The following TRDMT1 variants were observed in gnomAD, a reference collection of about 807,000 sequenced individuals.
TRDMT1 encodes tRNA aspartic acid methyltransferase 1.
TRDMT1 carries 49 observed loss-of-function variants against 51.2 expected under a neutral mutation model. The ratio of observed to expected loss-of-function variants is 0.96; its 90% CI spans 0.76 to 1.21. TRDMT1 has a LOEUF of 1.21. TRDMT1 is among the 50% of genes most tolerant of loss of function. The probability of loss-of-function intolerance (pLI) is 0.00; values close to 1 mark genes in which losing one functional copy is unlikely to be tolerated. For synonymous variants in TRDMT1, 187 were observed against 164.6 expected (o/e 1.14, Z -1.04); for missense variants, 534 against 462.3 (o/e 1.16, Z -1.42).
chr10:17,180,489 G>A (rs1390344184), intron 1 of TRDMT1, among the ~76,000 whole-genome samples: 2 of 146,342 alleles, frequency 1.4e-5, no homozygotes, highest in South Asian at 2.3e-4. Context: ...GCAGTGAGCC[G>A]AGATTGCGCC....
rs1244941956 is a variant in TRDMT1, at chr10:17,146,327, T to C, written c.*2713A>G. Reference sequence around the variant, plus strand: ...TCCAGACATAGGGCAGTGCCCATGGTGAAGGTCTGATTTCACAGACAGAAC... The same window carrying C: ...TCCAGACATAGGGCAGTGCCCATGGCGAAGGTCTGATTTCACAGACAGAAC... On this transcript the variant is annotated 3_prime_UTR_variant, in exon 11 of 11. Transcript: ENST00000377799. 1.0e-6 allele frequency: 1 copy of C among 985,386 alleles called. No homozygotes were observed. The highest frequency in any genetic ancestry group is 1.2e-6 in the Non-Finnish European group (1 of 829,922). 61.0% of individuals were successfully genotyped at this position (985,386 alleles called of 1,614,324 possible).
chr10:17,146,345 G>A lies in TRDMT1; in HGVS notation c.*2695C>T. The A allele has an allele frequency of 1.0e-6, 1 of 985,404 alleles. No individual in the cohort carries two copies. The highest frequency in any genetic ancestry group is 1.2e-6 in the Non-Finnish European group (1 of 829,926). The allele number at this position is 985,404 out of a possible 1,614,324, so 61.0% of individuals were successfully genotyped here. A position where few individuals can be genotyped will look rare whatever the true frequency, so the allele number is the denominator to read the frequency against. Reference sequence around the variant, plus strand: ...CCCATGGTGAAGGTCTGATTTCACAGACAGAACACCATGGCCAGGGTCCTC... The same window carrying A: ...CCCATGGTGAAGGTCTGATTTCACAAACAGAACACCATGGCCAGGGTCCTC... On this transcript the variant is annotated 3_prime_UTR_variant, in exon 11 of 11. Coordinates refer to ENST00000377799, the MANE Select transcript of TRDMT1 (RefSeq NM_004412.7).
intron 1 of TRDMT1, among the ~76,000 whole-genome samples, chr10:17,180,179 C>T (rs1588629365): frequency 1.3e-5 from 2 of 152,126 alleles, no homozygotes; most frequent in African/African-American, 4.8e-5. Flanking sequence ...TTTGCCTTTC[C>T]TAGATACTAC....
chr10:17,195,937 TG>T (rs1177496955), intron 1 of TRDMT1, among the ~76,000 whole-genome samples: 1 of 152,016 alleles, frequency 6.6e-6, no homozygotes, highest in East Asian at 1.9e-4. Flanking sequence ...TATGTATAAC[TG>T]AAAAAAAAAT....
At chr10:17,155,655 T>C (rs1176492302) in intron 8 of TRDMT1, among the ~76,000 whole-genome samples, 1 of 152,214 alleles carries the variant, frequency 6.6e-6, no homozygotes, top group Admixed American at 6.5e-5. Flanking sequence ...ATTAGCAGTA[T>C]TTCTCTCTCT....
chr10:17,197,082 G>A lies in TRDMT1; in HGVS notation c.64+4489C>T, dbSNP rs1307267294. Reference sequence around the variant, plus strand: ...TCCTGTTCACCTAACCTGTTTGTTGGGTGTCCTGGAGATTCTGTGAGTTTC... The same window carrying A: ...TCCTGTTCACCTAACCTGTTTGTTGAGTGTCCTGGAGATTCTGTGAGTTTC... On this transcript the variant is annotated intron_variant, in intron 1 of 10. Transcript: ENST00000377799. Among the ~76,000 whole-genome samples the A allele has an allele frequency of 3.3e-5, 5 of 152,068 alleles. No homozygotes were observed. In the East Asian group the frequency reaches 9.6e-4, roughly 29 times the overall value.
chr10:17,160,674 T>C (rs1471377213), intron 5 of TRDMT1, among the ~76,000 whole-genome samples: 1 of 152,164 alleles, frequency 6.6e-6, no homozygotes, highest in Non-Finnish European at 1.5e-5. Flanking sequence ...GGTTTCACCA[T>C]CTTGGCCAGG....
chr10:17,167,854 T>G (rs1024763576), intron 3 of TRDMT1, among the ~76,000 whole-genome samples: 3 of 152,190 alleles, frequency 2.0e-5, no homozygotes, highest in Admixed American at 1.3e-4. Context: ...GCTCATTAGT[T>G]TAAATGAATT....
rs1336585598 is a variant in TRDMT1, at chr10:17,138,126, T to C, written c.*10914A>G. On this transcript the variant is annotated 3_prime_UTR_variant, in exon 11 of 11. Transcript: ENST00000377799. ...TTGGAGGATGGACAAATTGGCAAGA[T>C]TCTCACACCCCTAATGCTAGCTCCC... Among the ~76,000 whole-genome samples, 3 of 152,176 alleles carry C rather than the reference T, an allele frequency of 2.0e-5. No individual in the cohort carries two copies. The highest frequency in any genetic ancestry group is 4.4e-5 in the Non-Finnish European group (3 of 68,030).
intron 1 of TRDMT1, among the ~76,000 whole-genome samples, chr10:17,177,639 A>G (rs544128424): frequency 1.6e-4 from 25 of 152,142 alleles, no homozygotes; most frequent in African/African-American, 5.5e-4. Flanking sequence ...CTTCTAGGTA[A>G]GATGTTAGAA....
At chr10:17,161,286 A>C (rs113862979) in intron 5 of TRDMT1, among the ~76,000 whole-genome samples, 197 bp downstream of exon 5, 1 of 152,236 alleles carries the variant, frequency 6.6e-6, no homozygotes, top group Non-Finnish European at 1.5e-5. Flanking sequence ...GAAGAGAATC[A>C]GTTGAACAAA....
chr10:17,145,022 G>A lies in TRDMT1; in HGVS notation c.*4018C>T. The stretch of plus-strand genomic sequence containing the variant: ...CCAGCACTTAGGGAAGCCAAGGTGG[G>A]TGGATTAACTTGAGGTCAGGTGTTC... On this transcript the variant is annotated 3_prime_UTR_variant, in exon 11 of 11. Transcript: ENST00000377799. 1.0e-6 allele frequency: 1 copy of A among 968,528 alleles called. No individual in the cohort carries two copies. Among genetic ancestry groups the A allele is most frequent in the Non-Finnish European group, 1.2e-6 (1 of 814,730 alleles). The allele number at this position is 968,528 out of a possible 1,614,324, so 60.0% of individuals were successfully genotyped here. A position where few individuals can be genotyped will look rare whatever the true frequency, so the allele number is the denominator to read the frequency against.
At chr10:17,193,161 C>T (rs1443154622) in intron 1 of TRDMT1, among the ~76,000 whole-genome samples, 2 of 152,088 alleles carry the variant, frequency 1.3e-5, no homozygotes, top group Admixed American at 6.6e-5. Flanking sequence ...GTCAGGAGTT[C>T]GAGACCAGCC....
chr10:17,170,404 T>C (rs1841804064), intron 2 of TRDMT1, among the ~76,000 whole-genome samples: 1 of 152,226 alleles, frequency 6.6e-6, no homozygotes. Flanking sequence ...ATTTTTTACC[T>C]TATATGACTA....
intron 1 of TRDMT1, among the ~76,000 whole-genome samples, chr10:17,187,064 T>C (rs191348998): frequency 6.6e-6 from 1 of 152,338 alleles, no homozygotes; most frequent in Admixed American, 6.5e-5. Flanking sequence ...TCTCTATTTG[T>C]GTAGCATTGG....
At chr10:17,201,399 G>T in intron 1 of TRDMT1, 172 bp downstream of exon 1, 1 of 586,830 alleles carries the variant, frequency 1.7e-6, no homozygotes, top group Non-Finnish European at 2.9e-6. Flanking sequence ...CGTCTGGAGG[G>T]GTGGACACGG....
intron 8 of TRDMT1, among the ~76,000 whole-genome samples, chr10:17,156,525 G>A (rs995509157): frequency 2.6e-5 from 4 of 152,150 alleles, no homozygotes; most frequent in Non-Finnish European, 4.4e-5. Context: ...ATGAGCCAGC[G>A]TGCCCGGCCA....
chr10:17,183,067 C>G (rs1396369562), intron 1 of TRDMT1, among the ~76,000 whole-genome samples: 1 of 152,084 alleles, frequency 6.6e-6, no homozygotes, highest in Non-Finnish European at 1.5e-5. Context: ...TATACTACAT[C>G]TGGAAATGTT....
intron 1 of TRDMT1, among the ~76,000 whole-genome samples, chr10:17,175,968 G>C (rs1172028527): frequency 5.3e-5 from 8 of 152,198 alleles, no homozygotes; most frequent in Non-Finnish European, 1.2e-4. Flanking sequence ...TAATGCCATA[G>C]ACAGCTGCCT....
Sources: allele counts gnomAD v4.1 joint callset (sites outside exome capture counted in the v4.1 genomes callset), GRCh38; gene constraint gnomAD v4.1.1; transcripts MANE v1.5; gene names NCBI Gene and HGNC (gene_info 2026-07-23, HGNC 2026-07-21).